SIDT1: variants seen among roughly 807,000 people sequenced by gnomAD.
SIDT1 encodes the protein SID1 transmembrane family member 1.
A neutral mutation model predicts 107.5 loss-of-function variants in SIDT1; 101 were observed. The observed-to-expected ratio is 0.94, with a 90% CI of 0.80 to 1.11. The LOEUF (loss-of-function observed/expected upper bound fraction) is 1.11, where lower values mean the gene tolerates loss of function less well. Among genes scored for constraint, SIDT1 ranks in the 50% least tolerant of loss-of-function variants. The pLI is 0.00. For synonymous variants in SIDT1, 395 were observed against 398.2 expected, an observed-to-expected ratio of 0.99 and a Z score of 0.10; for missense variants, 1,076 against 1,058.2, an observed-to-expected ratio of 1.02 and a Z score of -0.23.
Position 113,591,960 on chromosome 3 carries a change from T to TA in SIDT1, c.1002-1040dup, listed in dbSNP as rs1944190329. Among the ~76,000 whole-genome samples the TA allele has an allele frequency of 1.1e-4, 16 of 152,312 alleles. 1 individual carries two copies. The South Asian group carries it at 3.3e-3, about 32-fold the overall frequency. The stretch of plus-strand genomic sequence containing the variant: ...CGTACAATGGAATATTATTCAGCCA[T>TA]AAAAAGACTGAAGTACTGACGCATA... On this transcript the variant is annotated intron_variant, in intron 9 of 24. Coordinates refer to ENST00000264852, the MANE Select transcript of SIDT1 (RefSeq NM_017699.3).
chr3:113,533,134 A>C lies in SIDT1; in HGVS notation c.113A>C (p.Asp38Ala). Residue 38 changes from aspartate (D) to alanine (A), a missense_variant, in exon 1 of 25, where the codon GAC becomes GCC. By Grantham distance (126) the Asp-to-Ala change is moderately radical. Transcript: ENST00000264852. Reference sequence around the variant, plus strand: ...AGGCAGCCCCCGGCACCGCGCCGCGACCCCTTCGACGCTGCCAGGGGCGCC... The same window carrying C: ...AGGCAGCCCCCGGCACCGCGCCGCGCCCCCTTCGACGCTGCCAGGGGCGCC... The part of the protein sequence containing the change: ...SPRQPPAPRR[D>A]PFDAARGADF... 6.4e-7 allele frequency: 1 copy of C among 1,570,224 alleles called. No homozygotes were observed. Among genetic ancestry groups the C allele is most frequent in the Non-Finnish European group, 8.6e-7 (1 of 1,160,392 alleles).
At chr3:113,630,248 T>C (rs1362993866), downstream of SIDT1, among the ~76,000 whole-genome samples, 1 of 151,998 alleles carries the variant, frequency 6.6e-6, no homozygotes, top group Non-Finnish European at 1.5e-5. Flanking sequence ...AGGACAGAGG[T>C]GTAGCAGCCA....
At chr3:113,535,172 G>A (rs1576674116) in intron 1 of SIDT1, among the ~76,000 whole-genome samples, 1 of 152,322 alleles carries the variant, frequency 6.6e-6, no homozygotes, top group East Asian at 1.9e-4. Context: ...TACTTAGGAG[G>A]CGGAGGCAGG....
chr3:113,592,493 T>A (rs947412150), intron 9 of SIDT1, among the ~76,000 whole-genome samples: 5 of 152,234 alleles, frequency 3.3e-5, no homozygotes, highest in South Asian at 2.1e-4. Context: ...CCAAAGTGAC[T>A]GCACCATTTT....
chr3:113,583,416 AT>A lies in SIDT1; in HGVS notation c.759del (p.Pro254GlnfsTer10). 1 of 1,597,926 alleles carries A rather than the reference AT, an allele frequency of 6.3e-7. No individual in the cohort carries two copies. The highest frequency in any genetic ancestry group is 8.6e-7 in the Non-Finnish European group (1 of 1,168,784). On this transcript the variant is annotated frameshift_variant, in exon 7 of 25. Coordinates refer to ENST00000264852, the MANE Select transcript of SIDT1 (RefSeq NM_017699.3). LOFTEE classifies it high-confidence loss of function. ...TTGTTATGTCTTATGCAGAAGAAGG[AT>A]TTTCCAGGCGAGCAGTTCTTCGTGG... ...KKAAITLQKK[D>X]FPGEQFFVVF...
At chr3:113,555,489 T>C (rs80079831) in intron 1 of SIDT1, among the ~76,000 whole-genome samples, 29,014 of 152,198 alleles carry the variant, frequency 0.19, 3,392 homozygotes, top group East Asian at 0.55. Context: ...GACTGTGCAT[T>C]TTTCTGTATT....
chr3:113,603,182 AG>A, intron 12 of SIDT1, 32 bp downstream of exon 12: 1 of 1,583,570 alleles, frequency 6.3e-7, no homozygotes, highest in Non-Finnish European at 8.6e-7. Flanking sequence ...ACTCTTTGAG[AG>A]GGCAGAAAGT....
intron 14 of SIDT1, 71 bp from the exon 15 acceptor site, chr3:113,606,970 C>A: frequency 1.0e-6 from 1 of 962,296 alleles, no homozygotes; most frequent in South Asian, 1.3e-5. Flanking sequence ...CCTGTCTGCT[C>A]TTTGTGTTCC....
Position 113,604,892 on chromosome 3 carries a change from T to A in SIDT1, c.1338-18T>A. ...TTCATTTGAAAATAAGCATTTCTGG[T>A]TCTTTCTGCCTGCATAGGAACATCA... On this transcript the variant is annotated intron_variant, in intron 13 of 24. Coordinates refer to ENST00000264852, the MANE Select transcript of SIDT1 (RefSeq NM_017699.3). The A allele has an allele frequency of 6.2e-7, 1 of 1,614,020 alleles. No homozygotes were observed. Among genetic ancestry groups the A allele is most frequent in the Non-Finnish European group, 8.5e-7 (1 of 1,179,950 alleles).
At chr3:113,545,351 T>C (rs1939474297) in intron 1 of SIDT1, among the ~76,000 whole-genome samples, 1 of 152,178 alleles carries the variant, frequency 6.6e-6, no homozygotes, top group African/African-American at 2.4e-5. Context: ...TTCTCTCATT[T>C]ATTTATTTAC....
intron 4 of SIDT1, among the ~76,000 whole-genome samples, chr3:113,578,253 C>G (rs920743748): frequency 1.3e-5 from 2 of 151,658 alleles, no homozygotes; most frequent in Non-Finnish European, 2.9e-5. Context: ...ATCACGAGGT[C>G]AGGAGATCGA....
chr3:113,574,574 C>A (rs1425845939), intron 3 of SIDT1, among the ~76,000 whole-genome samples: 2 of 151,784 alleles, frequency 1.3e-5, no homozygotes, highest in Non-Finnish European at 2.9e-5. Context: ...TCTTTTGTCC[C>A]ATCCCTTTTC....
chr3:113,630,704 G>GTGAC, downstream of SIDT1, among the ~76,000 whole-genome samples: 1 of 152,332 alleles, frequency 6.6e-6, no homozygotes, highest in East Asian at 1.9e-4. Context: ...CCTTGGGGAA[G>GTGAC]TGACTGAAAC....
chr3:113,616,649 A>G (rs1946127306), intron 20 of SIDT1, among the ~76,000 whole-genome samples: 1 of 152,076 alleles, frequency 6.6e-6, no homozygotes, highest in African/African-American at 2.4e-5. Context: ...TGCCCATGTA[A>G]CCCTGAGCTT....
chr3:113,616,179 A>G lies in SIDT1; in HGVS notation c.2043+3A>G. 6.2e-7 allele frequency: 1 copy of G among 1,606,976 alleles called. No homozygotes were observed. Reference sequence around the variant, plus strand: ...AGTGTAGCCGACCTCTATATATGGTATGTGCATGTTCCTGTGTTCTTTGGC... The same window carrying G: ...AGTGTAGCCGACCTCTATATATGGTGTGTGCATGTTCCTGTGTTCTTTGGC... On this transcript the variant is annotated splice_donor_region_variant and intron_variant, in intron 20 of 24. Transcript: ENST00000264852.
At chr3:113,606,109 A>G (rs1307354631) in intron 14 of SIDT1, among the ~76,000 whole-genome samples, 1 of 152,188 alleles carries the variant, frequency 6.6e-6, no homozygotes, top group Non-Finnish European at 1.5e-5. Flanking sequence ...TTTTTAAGCA[A>G]AAATAATATG....
chr3:113,618,160 A>T (rs1215829926), intron 20 of SIDT1, among the ~76,000 whole-genome samples: 3 of 152,206 alleles, frequency 2.0e-5, no homozygotes, highest in Non-Finnish European at 4.4e-5. Flanking sequence ...CCAAAATGTA[A>T]TTGGAATCAT....
intron 10 of SIDT1, among the ~76,000 whole-genome samples, chr3:113,600,350 T>C (rs1356013291): frequency 6.6e-6 from 1 of 151,210 alleles, no homozygotes. Context: ...AAATAAGTTC[T>C]CACCGAGACC....
intron 4 of SIDT1, among the ~76,000 whole-genome samples, chr3:113,579,297 G>A (rs1943149890): frequency 6.6e-6 from 1 of 152,196 alleles, no homozygotes; most frequent in Non-Finnish European, 1.5e-5. Flanking sequence ...AATACTTTCA[G>A]TGGGTGTTTA....
Sources: gnomAD v4.1 joint callset for allele counts (sites outside exome capture counted in the v4.1 genomes callset) on GRCh38, gnomAD v4.1.1 for gene constraint, MANE v1.5 for transcripts, NCBI Gene and HGNC (gene_info 2026-07-23, HGNC 2026-07-21) for gene names.